Variants in NAALADL2 observed in about 807,000 individuals in gnomAD.
NAALADL2 encodes the protein N-acetylated alpha-linked acidic dipeptidase like 2, also known as inactive N-acetylated-alpha-linked acidic dipeptidase-like protein 2.
NAALADL2 carries 76 observed loss-of-function variants against 87.2 expected under a neutral mutation model. The ratio of observed to expected loss-of-function variants is 0.87; its 90% CI spans 0.72 to 1.05. The LOEUF is 1.05. Ranked by LOEUF, NAALADL2 falls within the 50% of genes least tolerant of loss-of-function variation. The probability of loss-of-function intolerance (pLI) is 0.00; values close to 1 mark genes in which losing one functional copy is unlikely to be tolerated. For missense variants in NAALADL2, 1,089 were observed against 945.8 expected, an observed-to-expected ratio of 1.15 and a Z score of -1.99; for synonymous variants, 354 against 331.0, an observed-to-expected ratio of 1.07 and a Z score of -0.75.
At chr3:174,889,783 C>A (rs1244324442) in intron 1 of NAALADL2, among the ~76,000 whole-genome samples, 1 of 152,076 alleles carries the variant, frequency 6.6e-6, no homozygotes, top group African/African-American at 2.4e-5. Flanking sequence ...CTCCTTGATA[C>A]CTGTATTTGA....
intron 1 of NAALADL2, among the ~76,000 whole-genome samples, chr3:174,539,063 GAAAATCAA>G (rs1318929656): frequency 6.6e-6 from 1 of 152,028 alleles, no homozygotes; most frequent in Non-Finnish European, 1.5e-5. Flanking sequence ...CTTCATCAAA[GAAAATCAA>G]CATAAAATGC....
At chr3:174,816,301 GTC>G (rs1259224487) in intron 3 of NAALADL2, among the ~76,000 whole-genome samples, 1 of 149,770 alleles carries the variant, frequency 6.7e-6, no homozygotes, top group Non-Finnish European at 1.5e-5. Context: ...AGTCTATATA[GTC>G]TCTCTTTCTA....
intron 2 of NAALADL2, among the ~76,000 whole-genome samples, chr3:174,575,139 A>T (rs539273923): frequency 6.6e-6 from 1 of 152,126 alleles, no homozygotes; most frequent in Admixed American, 6.6e-5. Context: ...TTTAAAAAAA[A>T]TTTAAATAAT....
At chr3:175,247,426 G>T (rs1225573118) in intron 3 of NAALADL2, among the ~76,000 whole-genome samples, 1 of 152,148 alleles carries the variant, frequency 6.6e-6, no homozygotes, top group Non-Finnish European at 1.5e-5. Context: ...ATTGAATGGG[G>T]TAGTTATAGT....
At chr3:174,835,788 C>G (rs75879390) in intron 3 of NAALADL2, among the ~76,000 whole-genome samples, 1,815 of 152,206 alleles carry the variant, frequency 0.012, 18 homozygotes, top group Middle Eastern at 0.038. Context: ...AAATCCAAAT[C>G]AAAACAACCA....
chr3:175,738,385 C>A (rs1744801900), intron 12 of NAALADL2, among the ~76,000 whole-genome samples: 1 of 152,028 alleles, frequency 6.6e-6, no homozygotes, highest in South Asian at 2.1e-4. Context: ...CTAGCTGGAA[C>A]TACAGGCACA....
chr3:175,391,196 C>T lies in NAALADL2; in HGVS notation c.1091-56033C>T, dbSNP rs151225712. Among the ~76,000 whole-genome samples the T allele has an allele frequency of 1.3e-3, 204 of 152,204 alleles. 1 individual carries two copies. Among genetic ancestry groups the T allele is most frequent in the African/African-American group, 4.6e-3 (193 of 41,508 alleles). On this transcript the variant is annotated intron_variant, in intron 5 of 13. Coordinates refer to ENST00000454872, the MANE Select transcript of NAALADL2 (RefSeq NM_207015.3). The stretch of plus-strand genomic sequence containing the variant: ...TGTCGAGATTCCCTCATTGAGAAAC[C>T]CTTTCTCTTCTCTATAACCACATAC...
At chr3:175,055,467 C>T (rs1711939840) in intron 1 of NAALADL2, among the ~76,000 whole-genome samples, 1 of 152,194 alleles carries the variant, frequency 6.6e-6, no homozygotes, top group South Asian at 2.1e-4. Context: ...GCAGAAGGCT[C>T]ACAGCTTTTG....
intron 9 of NAALADL2, among the ~76,000 whole-genome samples, chr3:175,551,954 A>G (rs1013998674): frequency 2.0e-5 from 3 of 150,122 alleles, no homozygotes; most frequent in Admixed American, 2.0e-4. Flanking sequence ...TTATTTTTCT[A>G]GGTTATCCCC....
intron 5 of NAALADL2, among the ~76,000 whole-genome samples, chr3:175,329,642 T>G (rs1185081666): frequency 6.6e-6 from 1 of 152,120 alleles, no homozygotes; most frequent in Non-Finnish European, 1.5e-5. Context: ...GAAAATAAAG[T>G]GTCTGAATTC....
At chr3:175,234,639 G>A (rs375282597) in intron 3 of NAALADL2, among the ~76,000 whole-genome samples, 21 of 152,122 alleles carry the variant, frequency 1.4e-4, no homozygotes, top group Middle Eastern at 3.4e-3. Context: ...GAAACACAGC[G>A]CCCCTACTTT....
intron 1 of NAALADL2, among the ~76,000 whole-genome samples, chr3:174,988,731 C>T (rs1185480767): frequency 6.6e-6 from 1 of 152,164 alleles, no homozygotes; most frequent in Non-Finnish European, 1.5e-5. Flanking sequence ...TGTTTGTGTC[C>T]AAATGTCCCC....
chr3:175,620,969 G>A (rs953111515), intron 10 of NAALADL2, among the ~76,000 whole-genome samples: 1 of 152,116 alleles, frequency 6.6e-6, no homozygotes, highest in Non-Finnish European at 1.5e-5. Context: ...GGCTGTCTAG[G>A]GTTTTTATAG....
At chr3:175,191,141 A>G (rs897501061) in intron 2 of NAALADL2, among the ~76,000 whole-genome samples, 1 of 152,184 alleles carries the variant, frequency 6.6e-6, no homozygotes, top group Admixed American at 6.5e-5. Flanking sequence ...ACAAAAAAGG[A>G]GGGAGGGCTA....
intron 2 of NAALADL2, among the ~76,000 whole-genome samples, chr3:175,207,369 G>A (rs1741101843): frequency 6.6e-6 from 1 of 151,944 alleles, no homozygotes; most frequent in South Asian, 2.1e-4. Context: ...AAACCATGAT[G>A]GAAGTTATTA....
At chr3:174,800,039 G>A (rs1200648608) in intron 3 of NAALADL2, among the ~76,000 whole-genome samples, 1 of 152,340 alleles carries the variant, frequency 6.6e-6, no homozygotes, top group African/African-American at 2.4e-5. Flanking sequence ...CATTCAAGAT[G>A]TGAGTTGGGT....
At chr3:175,325,526 G>A (rs183770890) in intron 5 of NAALADL2, among the ~76,000 whole-genome samples, 18 of 152,306 alleles carry the variant, frequency 1.2e-4, no homozygotes, top group African/African-American at 4.1e-4. Flanking sequence ...TCACTGTCCT[G>A]CATTGTAATT....
At chr3:174,882,470 T>C (rs1171281889) in intron 1 of NAALADL2, among the ~76,000 whole-genome samples, 1 of 151,114 alleles carries the variant, frequency 6.6e-6, no homozygotes, top group Non-Finnish European at 1.5e-5. Context: ...TATATACATA[T>C]GTGTATGCAT....
rs533337903 is a variant in NAALADL2, at chr3:174,677,561, A to T, written c.-114-60080A>T. On this transcript the variant is annotated intron_variant, in intron 2 of 3. Coordinates refer to the NAALADL2 transcript ENST00000434257. ...GTCAAAGAGAACACTGAATCTGTGA[A>T]TAGTAAATCATTGTGCCTAGAAGAA... Among the ~76,000 whole-genome samples, 7 of 152,266 alleles carry T rather than the reference A, an allele frequency of 4.6e-5. No homozygotes were observed. In the East Asian group the frequency reaches 1.3e-3, roughly 29 times the overall value.
Sources: gnomAD v4.1 joint callset for allele counts (sites outside exome capture counted in the v4.1 genomes callset) on GRCh38, gnomAD v4.1.1 for gene constraint, MANE v1.5 for transcripts, NCBI Gene and HGNC (gene_info 2026-07-23, HGNC 2026-07-21) for gene names.